NECTIN2: variants seen among roughly 807,000 people sequenced by gnomAD.
NECTIN2 encodes the protein nectin-2.
NECTIN2 carries 23 observed loss-of-function variants against 56.9 expected under a neutral mutation model. The ratio of observed to expected loss-of-function variants is 0.40; its 90% CI spans 0.29 to 0.57. NECTIN2 has a LOEUF of 0.57. NECTIN2 is among the 20% of genes least tolerant of loss of function. NECTIN2 has a pLI of 0.38. For missense variants in NECTIN2, 587 were observed against 718.3 expected (o/e 0.82, Z 2.09); for synonymous variants, 302 against 313.8 (o/e 0.96, Z 0.40).
Position 44,882,223 on chromosome 19 carries a change from C to T in NECTIN2, c.1055C>T (p.Thr352Ile). Reference sequence around the variant, plus strand: ...CCTCTCCTTGCAGAGACCCCCAACACAGCAGGCGCAGGGGCCACAGGCGGC... The same window carrying T: ...CCTCTCCTTGCAGAGACCCCCAACATAGCAGGCGCAGGGGCCACAGGCGGC... ...QVIFVRETPN[T>I]AGAGATGGII... The change falls in exon 6 of 9, where the codon ACA becomes ATA. Residue 352 changes from threonine (T) to isoleucine (I), a missense_variant. Thr to Ile is a moderately conservative substitution (Grantham distance 89). Coordinates refer to ENST00000252483, the MANE Select transcript of NECTIN2 (RefSeq NM_001042724.2). 6.7e-7 allele frequency: 1 copy of T among 1,498,766 alleles called. No individual in the cohort carries two copies. Among genetic ancestry groups the T allele is most frequent in the Non-Finnish European group, 8.9e-7 (1 of 1,117,786 alleles). The allele number at this position is 1,498,766 out of a possible 1,614,324, so 92.8% of individuals were successfully genotyped here.
intron 1 of NECTIN2, among the ~76,000 whole-genome samples, chr19:44,848,572 GAGA>G (rs370548338): frequency 6.6e-6 from 1 of 152,066 alleles, no homozygotes; most frequent in Non-Finnish European, 1.5e-5. Context: ...TTAGCCCCTG[GAGA>G]AGGAGCTGTC....
At chr19:44,868,868 C>T (rs376132451) in intron 2 of NECTIN2, among the ~76,000 whole-genome samples, 23 of 151,298 alleles carry the variant, frequency 1.5e-4, no homozygotes, top group Admixed American at 4.6e-4. Flanking sequence ...GCCGAGATCG[C>T]GCCACTATAC....
At position 44,875,563 on chromosome 19, in the gene NECTIN2, G is replaced by C. The variant is rs752128946; in HGVS notation, c.1042+1085G>C. Reference sequence around the variant, plus strand: ...TTATATGCATGAGCCACTGCGCCTGGCCAGAAAAAGACATTCTTAGAAACA... The same window carrying C: ...TTATATGCATGAGCCACTGCGCCTGCCCAGAAAAAGACATTCTTAGAAACA... On this transcript the variant is annotated intron_variant, in intron 5 of 8. Coordinates refer to ENST00000252483, the MANE Select transcript of NECTIN2 (RefSeq NM_001042724.2). The surrounding 1 kb of genome is among the most constrained non-coding windows in gnomAD (Gnocchi z 4.2). Among the ~76,000 whole-genome samples, 131 of 152,204 alleles carry C rather than the reference G, an allele frequency of 8.6e-4. 1 individual carries two copies. The highest frequency in any genetic ancestry group is 1.4e-3 in the Non-Finnish European group (97 of 68,036).
chr19:44,882,372 A>C lies in NECTIN2; in HGVS notation c.1196+8A>C. 7.1e-7 allele frequency: 1 copy of C among 1,411,162 alleles called. No homozygotes were observed. Among genetic ancestry groups the C allele is most frequent in the Non-Finnish European group, 9.4e-7 (1 of 1,068,686 alleles). The allele number at this position is 1,411,162 out of a possible 1,614,324, so 87.4% of individuals were successfully genotyped here. A position where few individuals can be genotyped will look rare whatever the true frequency, so the allele number is the denominator to read the frequency against. ...GGCAGAGGAGGACGAAGAGTAAGTG[A>C]TGGGCCCTGAGACGGGGATGGGAGA... On this transcript the variant is annotated splice_region_variant and intron_variant, in intron 6 of 8. Transcript: ENST00000252483.
chr19:44,888,452 C>G lies in NECTIN2; in HGVS notation c.*73C>G, dbSNP rs1157227720. On this transcript the variant is annotated 3_prime_UTR_variant, in exon 9 of 9. Transcript: ENST00000252483. ...TTTCTTGCCAAGGATCTAGTGCCCC[C>G]TGACCTCTGGCCAGGCCACTGTCAG... The G allele has an allele frequency of 1.3e-6, 2 of 1,506,056 alleles. No homozygotes were observed. The highest frequency in any genetic ancestry group is 1.8e-6 in the Non-Finnish European group (2 of 1,108,598). The allele number at this position is 1,506,056 out of a possible 1,614,324, so 93.3% of individuals were successfully genotyped here. A position where few individuals can be genotyped will look rare whatever the true frequency, so the allele number is the denominator to read the frequency against.
chr19:44,885,307 C>CTTTTTT (rs34485333), intron 6 of NECTIN2, among the ~76,000 whole-genome samples: 2 of 112,898 alleles, frequency 1.8e-5, no homozygotes, highest in Non-Finnish European at 3.8e-5. Flanking sequence ...ATCTTTCTTT[C>CTTTTTT]TTTTTTTTTT....
chr19:44,873,793 G>A (rs973684828), intron 3 of NECTIN2, 123 bp from the exon 4 acceptor site: 21 of 722,518 alleles, frequency 2.9e-5, no homozygotes, highest in Non-Finnish European at 4.5e-5. Flanking sequence ...GCCCCAGACA[G>A]TTTTGACTGC....
chr19:44,862,450 A>G (rs1032772862), intron 1 of NECTIN2, among the ~76,000 whole-genome samples: 3 of 143,828 alleles, frequency 2.1e-5, no homozygotes, highest in African/African-American at 5.1e-5. Flanking sequence ...AAACCTGCAC[A>G]TGTATCCTGG....
chr19:44,858,337 T>C lies in NECTIN2; in HGVS notation c.89-6934T>C, dbSNP rs544120940. Among the ~76,000 whole-genome samples the C allele has an allele frequency of 3.0e-4, 45 of 151,404 alleles. No homozygotes were observed. The South Asian group carries it at 8.6e-3, about 29-fold the overall frequency. On this transcript the variant is annotated intron_variant, in intron 1 of 8. Transcript: ENST00000252483. ...TCTTCGCTGATGGCTTTTTTTTTTATATTTATTTACATTTTTTCTTTTAAG... is the reference window on the plus strand; with the variant it reads ...TCTTCGCTGATGGCTTTTTTTTTTACATTTATTTACATTTTTTCTTTTAAG...
intron 1 of NECTIN2, among the ~76,000 whole-genome samples, chr19:44,863,963 A>T (rs1206972836): frequency 6.6e-6 from 1 of 151,802 alleles, no homozygotes; most frequent in Non-Finnish European, 1.5e-5. Context: ...TAAATGTTTT[A>T]AAATGTATTT....
At chr19:44,854,907 C>CTT (rs1968945974) in intron 1 of NECTIN2, among the ~76,000 whole-genome samples, 1 of 151,616 alleles carries the variant, frequency 6.6e-6, no homozygotes, top group African/African-American at 2.4e-5. Context: ...GGGCGGATCA[C>CTT]GAGGTCAGGA....
intron 5 of NECTIN2, chr19:44,878,369 G>A (rs1218250862): frequency 6.4e-7 from 1 of 1,553,590 alleles, no homozygotes; most frequent in South Asian, 1.2e-5. Flanking sequence ...CCCTGGAGGA[G>A]CAGGAGGAGG....
chr19:44,868,100 G>T (rs900283377), intron 2 of NECTIN2, among the ~76,000 whole-genome samples: 1 of 151,882 alleles, frequency 6.6e-6, no homozygotes, highest in African/African-American at 2.4e-5. Flanking sequence ...GGTGGCTCAC[G>T]CCTGTAATCC....
In NECTIN2 at chr19:44,865,011, C is replaced by T. The variant is rs573266573; in HGVS notation, c.89-260C>T. 4.6e-5 allele frequency among the ~76,000 whole-genome samples: 7 copies of T among 152,292 alleles called. No homozygotes were observed. The South Asian group carries it at 6.2e-4, about 14-fold the overall frequency. ...CAGCCACAATTTAATTATCACACCT[C>T]GGAACATGAACAGCAATTCCAAAAT... On this transcript the variant is annotated intron_variant, in intron 1 of 8. Coordinates refer to ENST00000252483, the MANE Select transcript of NECTIN2 (RefSeq NM_001042724.2). The surrounding 1 kb of genome is among the most constrained non-coding windows in gnomAD (Gnocchi z 5.2).
chr19:44,851,418 G>A (rs1276737368), intron 1 of NECTIN2, among the ~76,000 whole-genome samples: 2 of 150,090 alleles, frequency 1.3e-5, no homozygotes, highest in Non-Finnish European at 3.0e-5. Flanking sequence ...AGGAATCCAG[G>A]CCCCCAGCCC....
At chr19:44,853,204 A>AT (rs894776110) in intron 1 of NECTIN2, among the ~76,000 whole-genome samples, 55 of 149,688 alleles carry the variant, frequency 3.7e-4, no homozygotes, top group Non-Finnish European at 4.6e-4. Context: ...CAGCAATGGG[A>AT]TTTTTTTTTT....
At position 44,865,209 on chromosome 19, in the gene NECTIN2, G is replaced by A. The variant is rs548188765; in HGVS notation, c.89-62G>A. 9 of 1,504,716 alleles carry A rather than the reference G, an allele frequency of 6.0e-6. No homozygotes were observed. In the East Asian group the frequency reaches 1.6e-4, roughly 27 times the overall value. 93.2% of individuals were successfully genotyped at this position (1,504,716 alleles called of 1,614,324 possible). On this transcript the variant is annotated intron_variant, in intron 1 of 8. Transcript: ENST00000252483. The surrounding 1 kb of genome is among the most constrained non-coding windows in gnomAD (Gnocchi z 5.2). ...GTGGGGCCCCCTTCGTGGTGGCCCT[G>A]CCTGGAGGTGTCTGGGTCCCTCCCC...
At position 44,871,867 on chromosome 19, in the gene NECTIN2, C is replaced by G; in HGVS notation, c.493C>G (p.Gln165Glu). 1.9e-6 allele frequency: 3 copies of G among 1,612,734 alleles called. No homozygotes were observed. Among genetic ancestry groups the G allele is most frequent in the Non-Finnish European group, 2.5e-6 (3 of 1,178,810 alleles). The change falls in exon 3 of 9, where the codon CAA becomes GAA. Residue 165 changes from glutamine to glutamate, a missense_variant. By Grantham distance (29) the Gln-to-Glu change is conservative. Coordinates refer to ENST00000252483, the MANE Select transcript of NECTIN2 (RefSeq NM_001042724.2). ...WLRVIAKPKN[Q>E]AEAQKVTFSQ... is the part of the protein sequence containing the mutation. ...CCTCTCCCCAGCCAAGCCCAAGAAC[C>G]AAGCTGAGGCCCAGAAGGTCACGTT...
Position 44,872,139 on chromosome 19 carries a change from C to G in NECTIN2, c.765C>G (p.Leu255=), listed in dbSNP as rs1251072462. 2 of 1,613,504 alleles carry G rather than the reference C, an allele frequency of 1.2e-6. No individual in the cohort carries two copies. Among genetic ancestry groups the G allele is most frequent in the African/African-American group, 2.7e-5 (2 of 74,910 alleles). ...AACCAGCCCTGATACCTGTGACCCTCTCTGTACGCTGTGAGTGTATCGGGG... is the reference window on the plus strand; with the variant it reads ...AACCAGCCCTGATACCTGTGACCCTGTCTGTACGCTGTGAGTGTATCGGGG... ...FEEPALIPVT[L]SVRYPPEVSI... The change falls in exon 3 of 9, where the codon CTC becomes CTG. Residue 255 remains leucine (L), a synonymous_variant. Coordinates refer to ENST00000252483, the MANE Select transcript of NECTIN2 (RefSeq NM_001042724.2).
Sources: allele counts gnomAD v4.1 joint callset (sites outside exome capture counted in the v4.1 genomes callset), GRCh38; gene constraint gnomAD v4.1.1; non-coding constraint Gnocchi (gnomAD v3.1); transcripts MANE v1.5; gene names NCBI Gene and HGNC (gene_info 2026-07-23, HGNC 2026-07-21).